Variants in IFT81 observed in about 807,000 individuals in gnomAD.
IFT81 encodes intraflagellar transport 81.
A neutral mutation model predicts 102.6 loss-of-function variants in IFT81; 72 were observed. The observed-to-expected ratio is 0.70, with a 90% CI of 0.58 to 0.85. The LOEUF is 0.85. Ranked by LOEUF, IFT81 falls within the 40% of genes least tolerant of loss-of-function variation. The pLI is 0.00. For missense variants in IFT81, 723 were observed against 787.3 expected (o/e 0.92, Z 0.98); for synonymous variants, 237 against 242.7 (o/e 0.98, Z 0.22).
intron 1 of IFT81, 82 bp from the exon 2 acceptor site, chr12:110,127,278 G>T: frequency 8.1e-7 from 1 of 1,235,588 alleles, no homozygotes; most frequent in Non-Finnish European, 1.1e-6. Context: ...TCATGCCTAC[G>T]TTGTATGAAC....
At chr12:110,136,557 A>G (rs759651870) in intron 7 of IFT81, among the ~76,000 whole-genome samples, 4 of 152,254 alleles carry the variant, frequency 2.6e-5, no homozygotes. Flanking sequence ...GTAAATAACT[A>G]AAGAAAAATT....
chr12:110,130,989 A>C (rs1440225240), intron 4 of IFT81, among the ~76,000 whole-genome samples: 1 of 152,094 alleles, frequency 6.6e-6, no homozygotes, highest in Non-Finnish European at 1.5e-5. Flanking sequence ...TTCCCCATCA[A>C]AATAACTTTT....
intron 9 of IFT81, among the ~76,000 whole-genome samples, chr12:110,144,900 C>G (rs1368999655): frequency 7.8e-6 from 1 of 128,822 alleles, no homozygotes; most frequent in Non-Finnish European, 1.6e-5. Context: ...GGAACTTGCT[C>G]TGTTGCCCAG....
At chr12:110,212,120 C>T (rs562851234) in intron 18 of IFT81, among the ~76,000 whole-genome samples, 1 of 151,890 alleles carries the variant, frequency 6.6e-6, no homozygotes, top group South Asian at 2.1e-4. Context: ...ATATGTGTGT[C>T]TATCTATGCT....
intron 12 of IFT81, among the ~76,000 whole-genome samples, chr12:110,184,319 C>T (rs113002107): frequency 0.014 from 2,107 of 152,186 alleles, 28 homozygotes; most frequent in Non-Finnish European, 0.025. Flanking sequence ...CACTGGACTC[C>T]AGCCTGGGTG....
intron 14 of IFT81, among the ~76,000 whole-genome samples, chr12:110,201,356 C>T (rs914839283): frequency 2.0e-5 from 3 of 150,290 alleles, no homozygotes; most frequent in Non-Finnish European, 2.9e-5. Context: ...GAGCCAAGAT[C>T]GTACCATTGC....
chr12:110,150,391 C>T (rs1895460977), intron 10 of IFT81, among the ~76,000 whole-genome samples: 1 of 152,046 alleles, frequency 6.6e-6, no homozygotes, highest in Admixed American at 6.6e-5. Flanking sequence ...TTTTAGGCAG[C>T]CATTGTTTTT....
intron 12 of IFT81, among the ~76,000 whole-genome samples, chr12:110,184,625 G>A (rs1056082100): frequency 1.1e-4 from 16 of 152,186 alleles, no homozygotes; most frequent in Non-Finnish European, 4.4e-5. Context: ...AGGAGGCAGG[G>A]AAAGCCTTCA....
rs756050254 is a variant in IFT81 at position 110,143,425 on chromosome 12, T to C, written c.825T>C (p.Tyr275=). 2.0e-6 allele frequency: 3 copies of C among 1,486,148 alleles called. No homozygotes were observed. In the African/African-American group the frequency reaches 4.4e-5, roughly 22 times the overall value. The allele number at this position is 1,486,148 out of a possible 1,614,324, so 92.1% of individuals were successfully genotyped here. The change falls in exon 9 of 19, where the codon TAT becomes TAC. Residue 275 remains tyrosine (Y), a synonymous_variant. Coordinates refer to ENST00000242591, the MANE Select transcript of IFT81 (RefSeq NM_014055.4). ...RLEEEIKFNL[Y]MVTEKFPKEL... ...AGGAGGAGATAAAATTTAATTTATA[T>C]ATGGTAACTGAAAAATTTCCTAAAG... is the stretch of plus-strand genomic sequence containing the variant.
intron 18 of IFT81, among the ~76,000 whole-genome samples, chr12:110,214,300 AT>A (rs921901109): frequency 1.3e-5 from 2 of 152,178 alleles, no homozygotes; most frequent in African/African-American, 4.8e-5. Flanking sequence ...GAGACTCAAA[AT>A]TTATCAAGTA....
chr12:110,196,586 A>G (rs1468203399), intron 14 of IFT81, among the ~76,000 whole-genome samples: 1 of 152,176 alleles, frequency 6.6e-6, no homozygotes, highest in Non-Finnish European at 1.5e-5. Flanking sequence ...GTAATAGCAC[A>G]TGCTTATAGT....
chr12:110,204,021 T>C, intron 15 of IFT81, 71 bp downstream of exon 15: 1 of 941,884 alleles, frequency 1.1e-6, no homozygotes, highest in Middle Eastern at 2.1e-4. Context: ...TCCCAGCTAC[T>C]CTGGAGGCTG....
chr12:110,142,719 G>A (rs942257624), intron 8 of IFT81, among the ~76,000 whole-genome samples: 5 of 151,580 alleles, frequency 3.3e-5, no homozygotes, highest in South Asian at 4.2e-4. Context: ...GCAAAACCTC[G>A]TCTCTACAAA....
chr12:110,139,821 A>AT, intron 8 of IFT81, among the ~76,000 whole-genome samples: 1 of 130,854 alleles, frequency 7.6e-6, no homozygotes, highest in Non-Finnish European at 1.6e-5. Context: ...AATAAAATAA[A>AT]TAAAATAAAA....
intron 17 of IFT81, among the ~76,000 whole-genome samples, chr12:110,207,709 C>T (rs1319131572): frequency 7.3e-5 from 11 of 151,328 alleles, no homozygotes; most frequent in African/African-American, 2.7e-4. Flanking sequence ...ACTACAGGTG[C>T]CCGCCACCAC....
chr12:110,138,639 G>T (rs549083071), intron 8 of IFT81, among the ~76,000 whole-genome samples: 3 of 152,218 alleles, frequency 2.0e-5, no homozygotes, highest in African/African-American at 7.2e-5. Context: ...CTCCATGTTG[G>T]TCAGGCTGGT....
At chr12:110,208,985 A>G (rs1380312678) in intron 17 of IFT81, among the ~76,000 whole-genome samples, 186 bp from the exon 18 acceptor site, 2 of 152,030 alleles carry the variant, frequency 1.3e-5, no homozygotes, top group African/African-American at 4.8e-5. Context: ...TTAAATTACT[A>G]TTTACTTGAA....
chr12:110,146,917 T>C, intron 9 of IFT81, 36 bp from the exon 10 acceptor site: 1 of 1,579,318 alleles, frequency 6.3e-7, no homozygotes, highest in Non-Finnish European at 8.6e-7. Flanking sequence ...ATAGGGAAAG[T>C]TTTAACTTTT....
chr12:110,191,125 T>G, intron 13 of IFT81, 77 bp downstream of exon 13: 1 of 1,293,292 alleles, frequency 7.7e-7, no homozygotes, highest in Non-Finnish European at 1.1e-6. Context: ...TTATTTTCAG[T>G]GAAACATTCA....
Sources: allele counts gnomAD v4.1 joint callset (sites outside exome capture counted in the v4.1 genomes callset), GRCh38; gene constraint gnomAD v4.1.1; transcripts MANE v1.5; gene names NCBI Gene and HGNC (gene_info 2026-07-23, HGNC 2026-07-21).